The following SATB2 variants were observed in gnomAD, a reference collection of about 807,000 sequenced individuals.
SATB2 encodes the protein DNA-binding protein SATB2.
SATB2 carries 1 observed loss-of-function variant against 73.4 expected under a neutral mutation model. The observed-to-expected ratio is 0.01, with a 90% confidence interval of 0.00 to 0.06. The LOEUF is 0.06. Among genes scored for constraint, SATB2 ranks in the 10% least tolerant of loss-of-function variants. The pLI, the probability that SATB2 is intolerant of heterozygous loss-of-function variation, is 1.00. For missense variants in SATB2, 459 were observed against 945.8 expected (o/e 0.49, Z 6.75); for synonymous variants, 397 against 367.0 (o/e 1.08, Z -0.93).
intron 7 of SATB2, among the ~76,000 whole-genome samples, chr2:199,335,038 C>T (rs1688297161): frequency 6.6e-6 from 1 of 152,048 alleles, no homozygotes; most frequent in Non-Finnish European, 1.5e-5. Context: ...ACCCCATCCC[C>T]CACACCCCAG....
In SATB2 at chr2:199,270,522, A is replaced by AAG; in HGVS notation, c.*1688_*1689insCT. ...TGAAAGCACAACTCAAAAAAAAAAA[A>AAG]AAAATCCAACCATGTGGGACTGTTT... On this transcript the variant is annotated 3_prime_UTR_variant, in exon 11 of 11. Coordinates refer to ENST00000417098, the MANE Select transcript of SATB2 (RefSeq NM_001172509.2). The AAG allele has an allele frequency of 6.6e-6, 1 of 152,262 alleles. No homozygotes were observed. Among genetic ancestry groups the AAG allele is most frequent in the Non-Finnish European group, 1.5e-5 (1 of 67,986 alleles). 9.4% of individuals were successfully genotyped at this position (152,262 alleles called of 1,614,324 possible).
At chr2:199,275,137 G>A (rs1472588465) in intron 10 of SATB2, among the ~76,000 whole-genome samples, 2 of 152,120 alleles carry the variant, frequency 1.3e-5, no homozygotes, top group Admixed American at 1.3e-4. Flanking sequence ...CAGCATAACG[G>A]TTCCATTTAA....
At chr2:199,316,850 A>G (rs1687749416) in intron 9 of SATB2, among the ~76,000 whole-genome samples, 1 of 152,116 alleles carries the variant, frequency 6.6e-6, no homozygotes, top group African/African-American at 2.4e-5. Flanking sequence ...GTCAAAAAAG[A>G]AGAATGAATC....
intron 2 of SATB2, among the ~76,000 whole-genome samples, chr2:199,449,197 T>G (rs1692053364): frequency 6.6e-6 from 1 of 152,096 alleles, no homozygotes; most frequent in South Asian, 2.1e-4. Flanking sequence ...ATTGTCATAA[T>G]TATATATCTA....
chr2:199,400,428 T>C (rs558680767), intron 3 of SATB2, among the ~76,000 whole-genome samples: 1 of 152,330 alleles, frequency 6.6e-6, no homozygotes, highest in South Asian at 2.1e-4. Flanking sequence ...GAGGGCCAAC[T>C]ATGAGCCAGG....
chr2:199,315,592 G>T (rs1255257683), intron 9 of SATB2, among the ~76,000 whole-genome samples: 2 of 152,020 alleles, frequency 1.3e-5, no homozygotes, highest in Admixed American at 6.6e-5. Context: ...ACTTGGTTTT[G>T]ACCCCAACTT....
chr2:199,279,166 C>A (rs1692405670), intron 10 of SATB2, among the ~76,000 whole-genome samples: 1 of 152,164 alleles, frequency 6.6e-6, no homozygotes, highest in African/African-American at 2.4e-5. Flanking sequence ...TGTAAATATA[C>A]TCAAAAGAGA....
intron 10 of SATB2, among the ~76,000 whole-genome samples, chr2:199,292,276 A>G (rs1158322164): frequency 6.6e-6 from 1 of 152,222 alleles, no homozygotes; most frequent in Non-Finnish European, 1.5e-5. Context: ...TGAAAATGCT[A>G]TTGATGGCTT....
At chr2:199,451,916 A>G (rs1692135154) in intron 2 of SATB2, among the ~76,000 whole-genome samples, 2 of 152,284 alleles carry the variant, frequency 1.3e-5, no homozygotes, top group South Asian at 4.1e-4. Flanking sequence ...GGTAGCACGA[A>G]TAGGTCTACT....
intron 5 of SATB2, among the ~76,000 whole-genome samples, chr2:199,379,829 G>A (rs139912719): frequency 8.0e-4 from 120 of 149,826 alleles, no homozygotes; most frequent in African/African-American, 2.6e-3. Flanking sequence ...TGCCTGGCCC[G>A]TATACGTAAA....
intron 5 of SATB2, among the ~76,000 whole-genome samples, chr2:199,377,810 G>A (rs1295898652): frequency 6.6e-6 from 1 of 152,044 alleles, no homozygotes; most frequent in Non-Finnish European, 1.5e-5. Context: ...GAATGAACAA[G>A]GCAGTGGCAC....
intron 7 of SATB2, among the ~76,000 whole-genome samples, chr2:199,344,959 T>A (rs1172606307): frequency 6.6e-6 from 1 of 152,172 alleles, no homozygotes; most frequent in Non-Finnish European, 1.5e-5. Context: ...TCTCATGACA[T>A]GGTTTTAAGC....
chr2:199,315,419 A>C (rs540701704), intron 9 of SATB2, among the ~76,000 whole-genome samples: 1 of 152,216 alleles, frequency 6.6e-6, no homozygotes, highest in African/African-American at 2.4e-5. Flanking sequence ...CCAGTGTTCA[A>C]GCTTGGAGCC....
chr2:199,430,320 C>G (rs1559050221), intron 3 of SATB2, among the ~76,000 whole-genome samples: 1 of 152,224 alleles, frequency 6.6e-6, no homozygotes, highest in Non-Finnish European at 1.5e-5. Flanking sequence ...GAGACGTGTA[C>G]TCACGGCCCA....
intron 10 of SATB2, among the ~76,000 whole-genome samples, chr2:199,275,639 T>C (rs1047536919): frequency 6.6e-5 from 10 of 152,094 alleles, no homozygotes; most frequent in Admixed American, 5.2e-4. Flanking sequence ...CATGACAGAC[T>C]AGGAAGATGT....
Position 199,269,818 on chromosome 2 carries a change from C to A in SATB2, c.*2393G>T, listed in dbSNP as rs899360570. The stretch of plus-strand genomic sequence containing the variant: ...AAATAGACATATATGCATTGTAATT[C>A]GCAAAGATCTGGCAAGACCACAGGC... On this transcript the variant is annotated 3_prime_UTR_variant, in exon 11 of 11. Transcript: ENST00000417098. 6.6e-6 allele frequency: 1 copy of A among 152,288 alleles called. No individual in the cohort carries two copies. The highest frequency in any genetic ancestry group is 2.1e-4 in the South Asian group (1 of 4,820). 9.4% of individuals were successfully genotyped at this position (152,288 alleles called of 1,614,324 possible). A position where few individuals can be genotyped will look rare whatever the true frequency, so the allele number is the denominator to read the frequency against.
chr2:199,468,739 G>T (rs1190240658), upstream of SATB2: 1 of 152,254 alleles, frequency 6.6e-6, no homozygotes, highest in Non-Finnish European at 1.5e-5. Context: ...CCGCCTCTGG[G>T]CAGGCCTGAG....
intron 3 of SATB2, among the ~76,000 whole-genome samples, chr2:199,420,234 G>A (rs1182679699): frequency 6.6e-6 from 1 of 152,178 alleles, no homozygotes; most frequent in African/African-American, 2.4e-5. Context: ...CGAGGTTTGC[G>A]AACATTAAAT....
At chr2:199,432,936 T>A (rs1413967602) in intron 3 of SATB2, among the ~76,000 whole-genome samples, 1 of 152,072 alleles carries the variant, frequency 6.6e-6, no homozygotes, top group Non-Finnish European at 1.5e-5. Flanking sequence ...TTCTGTTTAA[T>A]TAAAAGCTTA....
Sources: allele counts gnomAD v4.1 joint callset (sites outside exome capture counted in the v4.1 genomes callset), GRCh38; gene constraint gnomAD v4.1.1; transcripts MANE v1.5; gene names NCBI Gene and HGNC (gene_info 2026-07-23, HGNC 2026-07-21).